ITGBL1: variants seen among roughly 807,000 people sequenced by gnomAD.
The protein encoded by ITGBL1 is integrin subunit beta like 1, also known as integrin beta-like protein 1.
Under a neutral mutation model 68.5 loss-of-function variants are expected in ITGBL1, and 51 were observed. The observed-to-expected ratio is 0.74, with a 90% CI of 0.59 to 0.94. ITGBL1 has a LOEUF of 0.94. Ranked by LOEUF, ITGBL1 falls within the 40% of genes least tolerant of loss-of-function variation. ITGBL1 has a pLI of 0.00. For missense variants in ITGBL1, 649 were observed against 647.4 expected (o/e 1.00, Z -0.03); for synonymous variants, 209 against 227.3 (o/e 0.92, Z 0.72).
intron 2 of ITGBL1, among the ~76,000 whole-genome samples, chr13:101,556,632 CA>C (rs1479310926): frequency 2.1e-5 from 3 of 144,848 alleles, no homozygotes. Flanking sequence ...AATTCCGTCT[CA>C]AAAAAAAAAG....
intron 7 of ITGBL1, among the ~76,000 whole-genome samples, chr13:101,672,696 G>T (rs1235804607): frequency 1.3e-5 from 2 of 152,200 alleles, no homozygotes; most frequent in African/African-American, 4.8e-5. Flanking sequence ...GCCACCAGCA[G>T]GTCTTTCCTT....
At chr13:101,523,748 C>A (rs192924237) in intron 2 of ITGBL1, among the ~76,000 whole-genome samples, 2 of 151,964 alleles carry the variant, frequency 1.3e-5, no homozygotes, top group Admixed American at 6.6e-5. Flanking sequence ...GTTGTGACTG[C>A]AGAAAAAAAA....
At chr13:101,481,582 G>T (rs1350844890) in intron 2 of ITGBL1, among the ~76,000 whole-genome samples, 3 of 152,040 alleles carry the variant, frequency 2.0e-5, no homozygotes, top group Non-Finnish European at 2.9e-5. Flanking sequence ...AGATATCTGA[G>T]TGTCTTTTTG....
intron 6 of ITGBL1, among the ~76,000 whole-genome samples, chr13:101,594,195 T>C (rs1364795563): frequency 1.3e-5 from 2 of 152,058 alleles, no homozygotes; most frequent in Admixed American, 6.6e-5. Flanking sequence ...TACAAAACTA[T>C]AGTAATTAAA....
chr13:101,452,860 C>G lies in ITGBL1; in HGVS notation c.27C>G (p.Phe9Leu), dbSNP rs749652515. 4.8e-5 allele frequency: 78 copies of G among 1,614,084 alleles called. 1 individual carries two copies. Among genetic ancestry groups the G allele is most frequent in the Non-Finnish European group, 6.4e-5 (76 of 1,180,048 alleles). Residue 9 changes from phenylalanine to leucine, a missense_variant, in exon 1 of 11, where the codon TTC becomes TTG. By Grantham distance (22) the Phe-to-Leu change is conservative (BLOSUM62 0). Coordinates refer to ENST00000376180, the MANE Select transcript of ITGBL1 (RefSeq NM_004791.3). The part of the protein sequence containing the change: MRPPGFRN[F>L]LLLASSLLFA... ...TGCGTCCCCCAGGCTTCAGGAACTT[C>G]TTGCTGCTGGCGTCCTCCCTTCTCT...
At chr13:101,485,032 C>T (rs1019795600) in intron 2 of ITGBL1, among the ~76,000 whole-genome samples, 1 of 152,138 alleles carries the variant, frequency 6.6e-6, no homozygotes. Flanking sequence ...AGGATGATAG[C>T]AGATTTCTCT....
chr13:101,573,606 A>T (rs971965211), intron 3 of ITGBL1, among the ~76,000 whole-genome samples: 8 of 152,276 alleles, frequency 5.3e-5, no homozygotes, highest in East Asian at 3.9e-4. Flanking sequence ...TAGAAACATG[A>T]CTGGGTACAT....
chr13:101,482,900 T>C (rs1156530226), intron 2 of ITGBL1, among the ~76,000 whole-genome samples: 5 of 152,170 alleles, frequency 3.3e-5, no homozygotes, highest in Non-Finnish European at 7.4e-5. Flanking sequence ...GTTAAAACTG[T>C]GAATTCTCAG....
At chr13:101,612,604 T>C (rs2031184864) in intron 7 of ITGBL1, among the ~76,000 whole-genome samples, 1 of 151,950 alleles carries the variant, frequency 6.6e-6, no homozygotes, top group Admixed American at 6.6e-5. Context: ...CCAAGTGACA[T>C]AATTTATGCT....
At chr13:101,460,876 C>A (rs1594822225) in intron 2 of ITGBL1, among the ~76,000 whole-genome samples, 1 of 152,256 alleles carries the variant, frequency 6.6e-6, no homozygotes, top group Admixed American at 6.5e-5. Context: ...GGGAGGGCAC[C>A]AAGCCATTCA....
intron 2 of ITGBL1, among the ~76,000 whole-genome samples, chr13:101,561,081 A>G (rs542318108): frequency 6.6e-6 from 1 of 152,318 alleles, no homozygotes; most frequent in East Asian, 1.9e-4. Flanking sequence ...AGGGAGAGAA[A>G]TGAGCTCGGG....
intron 7 of ITGBL1, among the ~76,000 whole-genome samples, chr13:101,667,858 A>G (rs1001867988): frequency 2.0e-5 from 3 of 151,812 alleles, no homozygotes; most frequent in East Asian, 3.9e-4. Context: ...ATTCTTTTCA[A>G]GTTGGCTTAG....
intron 2 of ITGBL1, among the ~76,000 whole-genome samples, chr13:101,542,670 A>G (rs1251027696): frequency 6.6e-6 from 1 of 152,104 alleles, no homozygotes; most frequent in Admixed American, 6.5e-5. Flanking sequence ...AAAATCTCCC[A>G]TTATTATTGT....
At chr13:101,527,327 A>G (rs1165681194) in intron 2 of ITGBL1, among the ~76,000 whole-genome samples, 2 of 152,130 alleles carry the variant, frequency 1.3e-5, no homozygotes, top group African/African-American at 4.8e-5. Flanking sequence ...CATTTCCTAT[A>G]ATGTAATATA....
intron 2 of ITGBL1, among the ~76,000 whole-genome samples, chr13:101,536,921 A>G (rs891813564): frequency 6.6e-6 from 1 of 152,066 alleles, no homozygotes; most frequent in Non-Finnish European, 1.5e-5. Flanking sequence ...AACTGATCAC[A>G]TTTAATAAAC....
chr13:101,656,572 TA>T (rs376396271), intron 7 of ITGBL1, among the ~76,000 whole-genome samples: 4 of 151,884 alleles, frequency 2.6e-5, no homozygotes, highest in African/African-American at 9.7e-5. Flanking sequence ...TTGGGCAAGA[TA>T]AAAAAAATCA....
intron 2 of ITGBL1, among the ~76,000 whole-genome samples, chr13:101,557,456 A>G (rs1406671235): frequency 6.6e-6 from 1 of 152,190 alleles, no homozygotes; most frequent in Non-Finnish European, 1.5e-5. Flanking sequence ...AAAATGGTCA[A>G]GTTTCTATTT....
At chr13:101,599,960 C>A (rs1244289731) in intron 7 of ITGBL1, among the ~76,000 whole-genome samples, 1 of 152,048 alleles carries the variant, frequency 6.6e-6, no homozygotes, top group Non-Finnish European at 1.5e-5. Context: ...GTAGTTTTTT[C>A]CAATTCTGTG....
intron 6 of ITGBL1, among the ~76,000 whole-genome samples, chr13:101,586,658 C>A (rs115476640): frequency 1.6e-3 from 240 of 152,302 alleles, no homozygotes; most frequent in African/African-American, 5.6e-3. Flanking sequence ...GTAACTTAAT[C>A]TCCAGGTGAT....
Sources: gnomAD v4.1 joint callset for allele counts (sites outside exome capture counted in the v4.1 genomes callset) on GRCh38, gnomAD v4.1.1 for gene constraint, MANE v1.5 for transcripts, NCBI Gene and HGNC (gene_info 2026-07-23, HGNC 2026-07-21) for gene names.